Variants in HCLS1 observed in about 807,000 individuals in gnomAD.
HCLS1 encodes the protein hematopoietic cell-specific Lyn substrate 1, also known as hematopoietic lineage cell-specific protein.
HCLS1 carries 44 observed loss-of-function variants against 68.6 expected under a neutral mutation model. That is an observed-to-expected ratio of 0.64 (90% confidence interval 0.50 to 0.82). The LOEUF is 0.82. Ranked by LOEUF, HCLS1 falls within the 40% of genes least tolerant of loss-of-function variation. The pLI is 0.00. For synonymous variants in HCLS1, 217 were observed against 225.8 expected, an observed-to-expected ratio of 0.96 and a Z score of 0.35; for missense variants, 602 against 612.1, an observed-to-expected ratio of 0.98 and a Z score of 0.17.
At chr3:121,633,269 G>A (rs2049118254) in intron 10 of HCLS1, 98 bp from the exon 11 acceptor site, 1 of 751,214 alleles carries the variant, frequency 1.3e-6, no homozygotes, top group Admixed American at 2.5e-5. Flanking sequence ...AGGCTGGAGT[G>A]CAGTGGTGCG....
intron 5 of HCLS1, chr3:121,644,107 GCTAA>G (rs1259059693): frequency 6.5e-6 from 1 of 153,230 alleles, no homozygotes; most frequent in African/African-American, 2.4e-5. Flanking sequence ...AAAAATCTCA[GCTAA>G]CTGTGAAGGA....
chr3:121,636,400 C>T (rs2049151617), intron 8 of HCLS1, 34 bp downstream of exon 8: 2 of 1,561,458 alleles, frequency 1.3e-6, no homozygotes, highest in Admixed American at 1.7e-5. Flanking sequence ...ACTTAGGGAA[C>T]TCTTCTTAAG....
chr3:121,654,787 A>C (rs1172687686), intron 3 of HCLS1, among the ~76,000 whole-genome samples: 1 of 152,112 alleles, frequency 6.6e-6, no homozygotes, highest in Non-Finnish European at 1.5e-5. Context: ...GGGATCTGTC[A>C]GTGTTAGCAT....
intron 6 of HCLS1, among the ~76,000 whole-genome samples, chr3:121,641,759 C>T (rs1484018677): frequency 6.6e-6 from 1 of 151,908 alleles, no homozygotes; most frequent in Non-Finnish European, 1.5e-5. Flanking sequence ...TATTTTCAAC[C>T]CATTAGAGAA....
chr3:121,657,712 G>A (rs1432593648), intron 2 of HCLS1, among the ~76,000 whole-genome samples: 1 of 152,082 alleles, frequency 6.6e-6, no homozygotes, highest in Non-Finnish European at 1.5e-5. Flanking sequence ...CAACTGCAGG[G>A]ACTACTTGGG....
At position 121,642,938 on chromosome 3, in the gene HCLS1, G is replaced by A. The variant is rs756172136; in HGVS notation, c.443C>T (p.Thr148Ile). ...FDYKGEVEKH[T>I]SQKDYSRGFG... ...TACAGTGTCCTTGCCTTTCTGAGAT[G>A]TGTGCTTCTCCACTTCTCCTTTATA... The change falls in exon 6 of 14, where the codon ACA (threonine) becomes ATA (isoleucine). Residue 148 changes from threonine (T) to isoleucine (I), a missense_variant. By Grantham distance (89) the Thr-to-Ile change is moderately conservative. Transcript: ENST00000314583. 27 of 1,612,880 alleles carry A rather than the reference G, an allele frequency of 1.7e-5. No individual in the cohort carries two copies. In the East Asian group the frequency reaches 5.8e-4, roughly 35 times the overall value.
intron 6 of HCLS1, among the ~76,000 whole-genome samples, chr3:121,639,187 G>A (rs1178851312): frequency 1.3e-5 from 2 of 152,098 alleles, no homozygotes; most frequent in African/African-American, 4.8e-5. Context: ...AATTATAGAA[G>A]ATCCAAACAT....
At chr3:121,644,501 A>C in intron 5 of HCLS1, 1 of 413,108 alleles carries the variant, frequency 2.4e-6, no homozygotes, top group Non-Finnish European at 4.6e-6. Context: ...AGCCAAAAGA[A>C]GAGCTTAGAT....
At chr3:121,650,103 T>G (rs1190504621) in intron 3 of HCLS1, among the ~76,000 whole-genome samples, 5 of 152,158 alleles carry the variant, frequency 3.3e-5, no homozygotes, top group Non-Finnish European at 7.4e-5. Flanking sequence ...ATGAAACATT[T>G]TAGGATAAAC....
At chr3:121,657,542 G>A (rs923562744) in intron 2 of HCLS1, among the ~76,000 whole-genome samples, 190 bp from the exon 3 acceptor site, 8 of 152,164 alleles carry the variant, frequency 5.3e-5, no homozygotes, top group Non-Finnish European at 8.8e-5. Context: ...GAGGCCAGGC[G>A]TGGTGGCTTA....
At position 121,659,801 on chromosome 3, in the gene HCLS1, G is replaced by C. The variant is rs143728343; in HGVS notation, c.-1+1019C>G. On this transcript the variant is annotated intron_variant, in intron 1 of 13. Coordinates refer to ENST00000314583, the MANE Select transcript of HCLS1 (RefSeq NM_005335.6). ...GACTGTCACACAGAAAACTGGAATG[G>C]AGAAGTTTCTGAAATAGTCATGAGC... 3.6e-4 allele frequency among the ~76,000 whole-genome samples: 55 copies of C among 152,290 alleles called. No individual in the cohort carries two copies. The East Asian group carries it at 6.0e-3, about 17-fold the overall frequency.
At position 121,631,888 on chromosome 3, in the gene HCLS1, G is replaced by C; in HGVS notation, c.1419C>G (p.His473Gln). 1 of 1,614,178 alleles carries C rather than the reference G, an allele frequency of 6.2e-7. No homozygotes were observed. The highest frequency in any genetic ancestry group is 1.1e-5 in the South Asian group (1 of 91,076). ...CATAATTTGCAGGGAAGAGTCCAAAGTGGCCATGGCAACGTCCCCGCCACC... is the reference window on the plus strand; with the variant it reads ...CATAATTTGCAGGGAAGAGTCCAAACTGGCCATGGCAACGTCCCCGCCACC... ...EGWWRGRCHG[H>Q]FGLFPANYVK... Residue 473 changes from histidine to glutamine, a missense_variant, in exon 14 of 14, where the codon CAC (histidine) becomes CAG (glutamine). By Grantham distance (24) the His-to-Gln change is conservative. Coordinates refer to ENST00000314583, the MANE Select transcript of HCLS1 (RefSeq NM_005335.6).
intron 5 of HCLS1, 58 bp from the exon 6 acceptor site, chr3:121,643,039 C>CT: frequency 7.2e-7 from 1 of 1,395,076 alleles, no homozygotes; most frequent in African/African-American, 1.4e-5. Flanking sequence ...TTTCCTCTTC[C>CT]TAACCTCCCC....
chr3:121,655,781 A>C (rs1252198587), intron 3 of HCLS1, among the ~76,000 whole-genome samples: 5 of 148,268 alleles, frequency 3.4e-5, no homozygotes, highest in Non-Finnish European at 5.9e-5. Context: ...CCAGAATGGC[A>C]TGGTTTAAGA....
At chr3:121,644,784 AG>A (rs1211702370) in intron 5 of HCLS1, 33 bp downstream of exon 5, 1 of 1,421,908 alleles carries the variant, frequency 7.0e-7, no homozygotes, top group Admixed American at 1.7e-5. Flanking sequence ...ACAGGACTGG[AG>A]GTGGGTGGTT....
intron 6 of HCLS1, among the ~76,000 whole-genome samples, chr3:121,640,911 A>C (rs968174096): frequency 6.6e-6 from 1 of 151,960 alleles, no homozygotes; most frequent in Non-Finnish European, 1.5e-5. Flanking sequence ...TATTTGAAAG[A>C]AAGTTTAAAA....
chr3:121,637,031 C>T, intron 7 of HCLS1, 115 bp downstream of exon 7: 1 of 722,736 alleles, frequency 1.4e-6, no homozygotes, highest in South Asian at 1.6e-5. Context: ...CCCTGGCACC[C>T]CCTGCTCTGC....
rs1452771546 is a variant in HCLS1, at chr3:121,636,295, T to C, written c.621+139A>G. On this transcript the variant is annotated intron_variant, in intron 8 of 13. Transcript: ENST00000314583. ...GATGCTGAGGGCAGTCAGTGGGGAC[T>C]GCAGGACGCCAGCAGGACAGGCTCT... is the stretch of plus-strand genomic sequence containing the variant. 6 of 706,018 alleles carry C rather than the reference T, an allele frequency of 8.5e-6. No homozygotes were observed. The East Asian group carries it at 1.3e-4, about 15-fold the overall frequency. The allele number at this position is 706,018 out of a possible 1,614,324, so 43.7% of individuals were successfully genotyped here.
At chr3:121,646,434 TTAA>T (rs1211212660) in intron 4 of HCLS1, among the ~76,000 whole-genome samples, 1 of 102,114 alleles carries the variant, frequency 9.8e-6, no homozygotes, top group Non-Finnish European at 1.7e-5. Context: ...ATATAATGTA[TTAA>T]TAATGTAGAT....
Sources: gnomAD v4.1 joint callset for allele counts (sites outside exome capture counted in the v4.1 genomes callset) on GRCh38, gnomAD v4.1.1 for gene constraint, MANE v1.5 for transcripts, NCBI Gene and HGNC (gene_info 2026-07-23, HGNC 2026-07-21) for gene names.